Variants in CDC73 observed in about 807,000 individuals in gnomAD.
CDC73 encodes cell division cycle 73, also known as parafibromin.
A neutral mutation model predicts 83.7 loss-of-function variants in CDC73; 21 were observed. That is an observed-to-expected ratio of 0.25 (90% CI 0.18 to 0.36). The LOEUF (loss-of-function observed/expected upper bound fraction) is 0.36. Ranked by LOEUF, CDC73 falls within the 10% of genes least tolerant of loss-of-function variation. CDC73 has a pLI of 1.00. For missense variants in CDC73, 342 were observed against 653.3 expected, an observed-to-expected ratio of 0.52 and a Z score of 5.19; for synonymous variants, 224 against 212.9, an observed-to-expected ratio of 1.05 and a Z score of -0.45.
intron 15 of CDC73, among the ~76,000 whole-genome samples, chr1:193,242,690 T>C (rs1356799291): frequency 6.6e-6 from 1 of 152,174 alleles, no homozygotes; most frequent in Non-Finnish European, 1.5e-5. Flanking sequence ...CTAGCTACCA[T>C]TGAAAAAATA....
At chr1:193,183,854 AT>A (rs1391735731) in intron 10 of CDC73, among the ~76,000 whole-genome samples, 1 of 151,758 alleles carries the variant, frequency 6.6e-6, no homozygotes, top group Non-Finnish European at 1.5e-5. Flanking sequence ...AATTATACAG[AT>A]TTTTTTTAAA....
In CDC73 at chr1:193,226,246, G is replaced by C. The variant is rs375213440; in HGVS notation, c.1155-6747G>C. On this transcript the variant is annotated intron_variant, in intron 13 of 16. Transcript: ENST00000367435. ...GTTGGCAAAATACTTACAGTTGGCT[G>C]TAAGTATTTGGGTTTATTTCTGGAT... Among the ~76,000 whole-genome samples, 4 of 152,256 alleles carry C rather than the reference G, an allele frequency of 2.6e-5. 1 individual carries two copies. In the South Asian group the frequency reaches 6.2e-4, roughly 24 times the overall value.
intron 7 of CDC73, among the ~76,000 whole-genome samples, chr1:193,142,337 C>T (rs1453736174): frequency 6.6e-6 from 1 of 152,046 alleles, no homozygotes; most frequent in Non-Finnish European, 1.5e-5. Flanking sequence ...AAGAATGGCC[C>T]AGTTTTCCTG....
intron 10 of CDC73, among the ~76,000 whole-genome samples, chr1:193,178,768 T>C (rs1676656582): frequency 6.6e-6 from 1 of 152,224 alleles, no homozygotes. Context: ...CTTAGGCTAC[T>C]GATTTGAAAT....
intron 9 of CDC73, among the ~76,000 whole-genome samples, chr1:193,150,980 C>T (rs1330916783): frequency 6.6e-6 from 1 of 152,014 alleles, no homozygotes; most frequent in Non-Finnish European, 1.5e-5. Context: ...TCATTTTTCC[C>T]AAGTTATAAA....
intron 10 of CDC73, among the ~76,000 whole-genome samples, chr1:193,193,983 A>G (rs1209793412): frequency 3.3e-5 from 5 of 152,150 alleles, no homozygotes; most frequent in Non-Finnish European, 5.9e-5. Flanking sequence ...CAGTAACTAT[A>G]ATTCTGTGAT....
intron 6 of CDC73, among the ~76,000 whole-genome samples, chr1:193,139,925 C>G (rs531874123): frequency 5.9e-5 from 9 of 152,342 alleles, no homozygotes; most frequent in African/African-American, 2.2e-4. Flanking sequence ...GTCTAATTCA[C>G]TTGGGTGGTT....
intron 15 of CDC73, among the ~76,000 whole-genome samples, chr1:193,246,665 C>T (rs1677960181): frequency 6.6e-6 from 1 of 151,924 alleles, no homozygotes; most frequent in Admixed American, 6.6e-5. Flanking sequence ...GTTTTCATTC[C>T]CCACTTTTCT....
intron 15 of CDC73, among the ~76,000 whole-genome samples, chr1:193,246,033 CT>C (rs1194409659): frequency 6.6e-6 from 1 of 152,018 alleles, no homozygotes; most frequent in African/African-American, 2.4e-5. Context: ...TATTAATCCC[CT>C]GTCAGATGAG....
intron 11 of CDC73, among the ~76,000 whole-genome samples, chr1:193,207,143 T>C (rs1677201140): frequency 6.6e-6 from 1 of 152,214 alleles, no homozygotes; most frequent in South Asian, 2.1e-4. Flanking sequence ...AGGTCTGTGA[T>C]GTCCCCTGAG....
chr1:193,140,368 T>G (rs1558284421), intron 6 of CDC73, among the ~76,000 whole-genome samples: 1 of 152,210 alleles, frequency 6.6e-6, no homozygotes, highest in East Asian at 1.9e-4. Flanking sequence ...GGCTTGATTA[T>G]AGTTTGGAGA....
chr1:193,248,646 C>T (rs1677993117), intron 15 of CDC73, among the ~76,000 whole-genome samples: 1 of 152,014 alleles, frequency 6.6e-6, no homozygotes, highest in African/African-American at 2.4e-5. Context: ...AAAATATTAA[C>T]ATAACCAGAA....
chr1:193,233,348 ACTGCACC>A (rs1677695001), intron 14 of CDC73, among the ~76,000 whole-genome samples, 194 bp downstream of exon 14: 1 of 152,186 alleles, frequency 6.6e-6, no homozygotes, highest in Non-Finnish European at 1.5e-5. Flanking sequence ...GGTGCATGCC[ACTGCACC>A]TGGCAGCCTA....
intron 10 of CDC73, among the ~76,000 whole-genome samples, chr1:193,169,721 G>A (rs1418278502): frequency 1.3e-5 from 2 of 152,114 alleles, no homozygotes; most frequent in Non-Finnish European, 2.9e-5. Flanking sequence ...GCTGTAAGAT[G>A]TATTTCCAAA....
intron 13 of CDC73, among the ~76,000 whole-genome samples, chr1:193,224,970 G>A (rs1677541070): frequency 1.3e-5 from 2 of 151,866 alleles, no homozygotes; most frequent in African/African-American, 4.8e-5. Flanking sequence ...TGAGATTTTG[G>A]TGTGCCCATC....
At chr1:193,145,384 A>G (rs2103128897) in intron 7 of CDC73, among the ~76,000 whole-genome samples, 2 of 152,306 alleles carry the variant, frequency 1.3e-5, no homozygotes, top group South Asian at 4.1e-4. Flanking sequence ...ACCAAATAAG[A>G]TAGCACATTT....
chr1:193,138,262 C>T lies in CDC73; in HGVS notation c.512+89C>T. On this transcript the variant is annotated intron_variant, in intron 6 of 16. Coordinates refer to ENST00000367435, the MANE Select transcript of CDC73 (RefSeq NM_024529.5). ...AATATTAAAATGCTCTCCACATTTACATTTACCTCTTGGATTCATTTTATG... is the reference window on the plus strand; with the variant it reads ...AATATTAAAATGCTCTCCACATTTATATTTACCTCTTGGATTCATTTTATG... 3.4e-6 allele frequency: 3 copies of T among 887,484 alleles called. No individual in the cohort carries two copies. In the South Asian group the frequency reaches 4.0e-5, roughly 12 times the overall value. 55.0% of individuals were successfully genotyped at this position (887,484 alleles called of 1,614,324 possible).
chr1:193,135,565 A>G lies in CDC73; in HGVS notation c.399A>G (p.Ala133=), dbSNP rs1553278851. Reference sequence around the variant, plus strand: ...AACGAGCTGCAGATGAAGTTTTAGCAGAAGCAAAGAAACCACGAATTGAGG... The same window carrying G: ...AACGAGCTGCAGATGAAGTTTTAGCGGAAGCAAAGAAACCACGAATTGAGG... ...QVKRAADEVL[A]EAKKPRIEDE... is the part of the protein sequence containing the mutation. The change falls in exon 5 of 17, where the codon GCA becomes GCG. Residue 133 remains alanine (A), a synonymous_variant. Coordinates refer to ENST00000367435, the MANE Select transcript of CDC73 (RefSeq NM_024529.5). 1.2e-6 allele frequency: 2 copies of G among 1,613,186 alleles called. No homozygotes were observed. The highest frequency in any genetic ancestry group is 1.7e-6 in the Non-Finnish European group (2 of 1,179,244).
chr1:193,156,291 G>T (rs1460737507), intron 10 of CDC73, among the ~76,000 whole-genome samples: 1 of 152,146 alleles, frequency 6.6e-6, no homozygotes, highest in East Asian at 1.9e-4. Flanking sequence ...AAGGGTTACA[G>T]ACTCTAACCT....
Sources: gnomAD v4.1 joint callset for allele counts (sites outside exome capture counted in the v4.1 genomes callset) on GRCh38, gnomAD v4.1.1 for gene constraint, MANE v1.5 for transcripts, NCBI Gene and HGNC (gene_info 2026-07-23, HGNC 2026-07-21) for gene names.